FASTKD1: variants seen among roughly 807,000 people sequenced by gnomAD.
The protein encoded by FASTKD1 is FAST kinase domains 1, also known as FAST kinase domain-containing protein 1, mitochondrial.
Under a neutral mutation model 90.9 loss-of-function variants are expected in FASTKD1, and 94 were observed. That is an observed-to-expected ratio of 1.03 (90% confidence interval 0.88 to 1.23). The LOEUF (loss-of-function observed/expected upper bound fraction) is 1.23. Ranked by LOEUF, FASTKD1 falls within the 50% of genes most tolerant of loss-of-function variation. The pLI is 0.00. For missense variants in FASTKD1, 945 were observed against 993.5 expected (o/e 0.95, Z 0.66); for synonymous variants, 319 against 345.8 (o/e 0.92, Z 0.86).
intron 7 of FASTKD1, among the ~76,000 whole-genome samples, chr2:169,553,907 G>A (rs1685614248): frequency 6.6e-6 from 1 of 151,972 alleles, no homozygotes; most frequent in South Asian, 2.1e-4. Flanking sequence ...GGGCGACAGA[G>A]CGAGACTCCA....
chr2:169,544,726 T>A lies in FASTKD1; in HGVS notation c.1811A>T (p.Tyr604Phe). The A allele has an allele frequency of 6.4e-7, 1 of 1,564,588 alleles. No individual in the cohort carries two copies. The highest frequency in any genetic ancestry group is 8.8e-7 in the Non-Finnish European group (1 of 1,135,654). Residue 604 changes from tyrosine to phenylalanine, a missense_variant, in exon 9 of 15, where the codon TAC becomes TTC. Tyr to Phe is a conservative substitution (Grantham distance 22). Transcript: ENST00000453153. ...TTACCAAACAATATACCTACCTAAG[T>A]AAGAATTAAGATGTTGCACGCAAGT... ...LGTCVQHLNS[Y>F]LGILDPFILV...
At position 169,531,351 on chromosome 2, in the gene FASTKD1, C is replaced by T. The variant is rs1223357708; in HGVS notation, c.2327+1G>A. The T allele has an allele frequency of 3.1e-6, 5 of 1,613,264 alleles. No individual in the cohort carries two copies. Among genetic ancestry groups the T allele is most frequent in the Non-Finnish European group, 4.2e-6 (5 of 1,179,518 alleles). The stretch of plus-strand genomic sequence containing the variant: ...CAATCTAAAACTAAGAAATAAATTA[C>T]CTTTCAGCCCCTGGTGGCAGCCTTG... On this transcript the variant is annotated splice_donor_variant, in intron 13 of 14. Transcript: ENST00000453153. LOFTEE classifies it high-confidence loss of function.
At position 169,546,274 on chromosome 2, in the gene FASTKD1, G is replaced by A. The variant is rs759030054; in HGVS notation, c.1645C>T (p.Leu549Phe). The change falls in exon 8 of 15, where the codon CTC becomes TTC. Residue 549 changes from leucine (L) to phenylalanine (F), a missense_variant. Transcript: ENST00000453153. ...IASFISSTDYLSTLLLDRIAS... is the reference protein window; with the variant it reads ...IASFISSTDYFSTLLLDRIAS... ...ATCCTATCTAGTAGCAAAGTACTGAGGTAATCAGTACTAGAAATAAAAGAT... is the reference window on the plus strand; with the variant it reads ...ATCCTATCTAGTAGCAAAGTACTGAAGTAATCAGTACTAGAAATAAAAGAT... 1 of 1,608,386 alleles carries A rather than the reference G, an allele frequency of 6.2e-7. No homozygotes were observed. The highest frequency in any genetic ancestry group is 8.5e-7 in the Non-Finnish European group (1 of 1,175,450).
chr2:169,543,324 G>A (rs1166004295), intron 9 of FASTKD1, among the ~76,000 whole-genome samples: 3 of 152,102 alleles, frequency 2.0e-5, no homozygotes, highest in African/African-American at 4.8e-5. Context: ...TTAGCTGGGC[G>A]TAGTGGCGCA....
At chr2:169,555,359 A>G (rs1683253954) in intron 6 of FASTKD1, 104 bp from the exon 7 acceptor site, 1 of 876,784 alleles carries the variant, frequency 1.1e-6, no homozygotes, top group Non-Finnish European at 1.8e-6. Flanking sequence ...AGAAACGGCA[A>G]TGAATGAGAT....
intron 4 of FASTKD1, 54 bp from the exon 5 acceptor site, chr2:169,560,839 CTTTTTTTTTT>C: frequency 1.6e-5 from 4 of 246,386 alleles, no homozygotes; most frequent in East Asian, 1.6e-4. Context: ...ATGATCAATT[CTTTTTTTTTT>C]TTTTTTTTTT....
intron 5 of FASTKD1, among the ~76,000 whole-genome samples, chr2:169,558,066 C>A (rs1183033697): frequency 6.6e-6 from 1 of 152,200 alleles, no homozygotes; most frequent in Non-Finnish European, 1.5e-5. Flanking sequence ...CTATCCATAT[C>A]ACTAATTTTA....
At chr2:169,567,243 A>G (rs534659601) in intron 3 of FASTKD1, among the ~76,000 whole-genome samples, 44 of 152,254 alleles carry the variant, frequency 2.9e-4, no homozygotes, top group Non-Finnish European at 5.1e-4. Context: ...ATGTAATTTA[A>G]TTAATACAGT....
At chr2:169,562,962 A>T (rs1683777371) in intron 4 of FASTKD1, among the ~76,000 whole-genome samples, 1 of 152,142 alleles carries the variant, frequency 6.6e-6, no homozygotes, top group Non-Finnish European at 1.5e-5. Flanking sequence ...TGGCAGGCAA[A>T]CTTAGCTTGC....
chr2:169,558,671 G>A (rs942887227), intron 5 of FASTKD1, among the ~76,000 whole-genome samples: 5 of 150,068 alleles, frequency 3.3e-5, no homozygotes, highest in African/African-American at 1.2e-4. Flanking sequence ...GGCTGGTCTC[G>A]AACTCCTGAC....
chr2:169,547,957 A>T (rs1685288039), intron 7 of FASTKD1, among the ~76,000 whole-genome samples: 1 of 145,532 alleles, frequency 6.9e-6, no homozygotes, highest in Non-Finnish European at 1.5e-5. Flanking sequence ...ATAAAGGATT[A>T]TTCAGGAAAG....
At chr2:169,532,320 C>T (rs62171310) in intron 12 of FASTKD1, among the ~76,000 whole-genome samples, 113 of 150,610 alleles carry the variant, frequency 7.5e-4, no homozygotes, top group Non-Finnish European at 1.2e-3. Context: ...CTGAGGTGGG[C>T]GGATCCCTTG....
At chr2:169,555,400 A>G (rs1683255039) in intron 6 of FASTKD1, 145 bp from the exon 7 acceptor site, 1 of 667,114 alleles carries the variant, frequency 1.5e-6, no homozygotes, top group Non-Finnish European at 2.5e-6. Flanking sequence ...AAATGTCTCA[A>G]GGTGGCTCTA....
At chr2:169,567,581 C>T (rs1684044364) in intron 3 of FASTKD1, among the ~76,000 whole-genome samples, 1 of 152,102 alleles carries the variant, frequency 6.6e-6, no homozygotes, top group Non-Finnish European at 1.5e-5. Context: ...TAATCCAGCC[C>T]ATGTAATAAA....
chr2:169,556,901 G>A (rs1163680214), intron 6 of FASTKD1, among the ~76,000 whole-genome samples: 2 of 151,790 alleles, frequency 1.3e-5, no homozygotes, highest in African/African-American at 4.8e-5. Flanking sequence ...CAGCTACTCA[G>A]GAGGCTGAGG....
At chr2:169,559,032 T>G (rs1056026368) in intron 5 of FASTKD1, among the ~76,000 whole-genome samples, 1 of 151,326 alleles carries the variant, frequency 6.6e-6, no homozygotes, top group African/African-American at 2.4e-5. Context: ...TGGAGTGTAA[T>G]GGCGCGATCT....
At chr2:169,530,526 G>C (rs1403637821) in intron 14 of FASTKD1, 61 bp downstream of exon 14, 26 of 859,420 alleles carry the variant, frequency 3.0e-5, no homozygotes, top group Non-Finnish European at 4.6e-5. Context: ...TTAAAAGGAA[G>C]CACATGTACA....
intron 11 of FASTKD1, 94 bp downstream of exon 11, chr2:169,537,919 G>T: frequency 9.5e-7 from 1 of 1,051,896 alleles, no homozygotes; most frequent in Non-Finnish European, 1.4e-6. Context: ...GGGAAGGCTC[G>T]TGTCATGTTT....
intron 13 of FASTKD1, 117 bp from the exon 14 acceptor site, chr2:169,530,818 T>G (rs1684448537): frequency 1.5e-6 from 1 of 655,532 alleles, no homozygotes; most frequent in Admixed American, 2.7e-5. Flanking sequence ...TGAATATAAA[T>G]GAGTATATCA....
Sources: gnomAD v4.1 joint callset for allele counts (sites outside exome capture counted in the v4.1 genomes callset) on GRCh38, gnomAD v4.1.1 for gene constraint, MANE v1.5 for transcripts, NCBI Gene and HGNC (gene_info 2026-07-23, HGNC 2026-07-21) for gene names.